SLC24A2: variants seen among roughly 807,000 people sequenced by gnomAD.
SLC24A2 encodes solute carrier family 24 member 2, also known as sodium/potassium/calcium exchanger 2.
In SLC24A2, 36 loss-of-function variants were observed where a neutral mutation model predicts 62.0. The ratio of observed to expected loss-of-function variants is 0.58; its 90% confidence interval spans 0.44 to 0.77. The LOEUF (loss-of-function observed/expected upper bound fraction) is 0.77, where lower values mean the gene tolerates loss of function less well. SLC24A2 is among the 30% of genes least tolerant of loss of function. The pLI, the probability that SLC24A2 is intolerant of heterozygous loss-of-function variation, is 0.00. For synonymous variants in SLC24A2, 358 were observed against 294.0 expected, an observed-to-expected ratio of 1.22 and a Z score of -2.23; for missense variants, 846 against 817.9, an observed-to-expected ratio of 1.03 and a Z score of -0.42.
At chr9:19,611,494 A>G (rs113153644) in intron 4 of SLC24A2, among the ~76,000 whole-genome samples, 2,847 of 151,838 alleles carry the variant, frequency 0.019, 91 homozygotes, top group African/African-American at 0.065. Flanking sequence ...GAAAGGCGGA[A>G]GGAGGTAGAG....
chr9:20,286,859 A>G, the SLC24A2 span, among the ~76,000 whole-genome samples: 12 of 152,214 alleles, frequency 7.9e-5, no homozygotes, highest in South Asian at 6.2e-4. Flanking sequence ...CCAAGGACAC[A>G]TTGAGGATTC....
chr9:20,093,072 C>T, the SLC24A2 span, among the ~76,000 whole-genome samples: 19,141 of 150,724 alleles, frequency 0.13, 1,689 homozygotes, highest in Admixed American at 0.31. Context: ...TTTTTTTGTT[C>T]TGTTTTTTGT....
At chr9:20,306,357 C>A in the SLC24A2 span, among the ~76,000 whole-genome samples, 1 of 152,324 alleles carries the variant, frequency 6.6e-6, no homozygotes, top group South Asian at 2.1e-4. Context: ...CAAGGCAAGG[C>A]CCAAAGCAAA....
chr9:20,231,458 T>C, the SLC24A2 span, among the ~76,000 whole-genome samples: 650 of 152,324 alleles, frequency 4.3e-3, 1 homozygote, highest in African/African-American at 0.014. Context: ...ACATCCCTTT[T>C]AAGTTGGATT....
At chr9:19,586,667 G>GTATCAGAC (rs1836380699) in intron 5 of SLC24A2, among the ~76,000 whole-genome samples, 1 of 152,008 alleles carries the variant, frequency 6.6e-6, no homozygotes, top group Admixed American at 6.6e-5. Flanking sequence ...CTCCCAGCAG[G>GTATCAGAC]TATCAGACTG....
chr9:19,821,879 A>G, the SLC24A2 span, among the ~76,000 whole-genome samples: 2 of 152,134 alleles, frequency 1.3e-5, no homozygotes, highest in African/African-American at 4.8e-5. Flanking sequence ...ATGTATACCT[A>G]CATATTCTTT....
chr9:20,070,097 A>C, the SLC24A2 span, among the ~76,000 whole-genome samples: 1 of 152,216 alleles, frequency 6.6e-6, no homozygotes, highest in African/African-American at 2.4e-5. Context: ...CCTTTAAATG[A>C]ACATTAAATT....
At chr9:20,088,849 G>C in the SLC24A2 span, among the ~76,000 whole-genome samples, 2 of 152,218 alleles carry the variant, frequency 1.3e-5, no homozygotes, top group African/African-American at 4.8e-5. Flanking sequence ...AGCTCCCAGA[G>C]GGAGAGGCAG....
In SLC24A2 at chr9:19,713,762, T is replaced by C. The variant is rs529880841; in HGVS notation, c.930+72175A>G. Reference sequence around the variant, plus strand: ...TTTAATCATGTGCTGAAGTCCTTACTTACTGGTAAGATTGAGATTTTTTTT... The same window carrying C: ...TTTAATCATGTGCTGAAGTCCTTACCTACTGGTAAGATTGAGATTTTTTTT... On this transcript the variant is annotated intron_variant, in intron 2 of 10. Transcript: ENST00000341998. Among the ~76,000 whole-genome samples, 12 of 152,304 alleles carry C rather than the reference T, an allele frequency of 7.9e-5. No individual in the cohort carries two copies. The South Asian group carries it at 2.5e-3, about 32-fold the overall frequency.
chr9:20,223,170 C>A, the SLC24A2 span, among the ~76,000 whole-genome samples: 2 of 151,828 alleles, frequency 1.3e-5, no homozygotes, highest in South Asian at 2.1e-4. Flanking sequence ...GTAAAAGACA[C>A]CTGGGGTAAA....
chr9:19,665,027 A>T (rs1819208592), intron 2 of SLC24A2, among the ~76,000 whole-genome samples: 1 of 152,180 alleles, frequency 6.6e-6, no homozygotes, highest in African/African-American at 2.4e-5. Flanking sequence ...GCTGATTCTA[A>T]GGATACCTCC....
At chr9:20,238,311 A>C in the SLC24A2 span, among the ~76,000 whole-genome samples, 1 of 152,180 alleles carries the variant, frequency 6.6e-6, no homozygotes, top group African/African-American at 2.4e-5. Flanking sequence ...ATGATCAGGC[A>C]CCTTTTGCAC....
At chr9:20,077,086 T>C in the SLC24A2 span, among the ~76,000 whole-genome samples, 3 of 151,810 alleles carry the variant, frequency 2.0e-5, no homozygotes. Flanking sequence ...GTGAAATCTT[T>C]TTAAAAAAAG....
the SLC24A2 span, among the ~76,000 whole-genome samples, chr9:19,994,513 G>A: frequency 3.9e-5 from 6 of 152,182 alleles, no homozygotes; most frequent in East Asian, 3.9e-4. Context: ...TTTCACGTTC[G>A]CTCATTCACA....
At chr9:20,172,119 G>A in the SLC24A2 span, among the ~76,000 whole-genome samples, 3 of 151,950 alleles carry the variant, frequency 2.0e-5, no homozygotes, top group African/African-American at 7.3e-5. Flanking sequence ...ATGATCACTG[G>A]GTCAACAATG....
At chr9:20,071,945 C>G in the SLC24A2 span, among the ~76,000 whole-genome samples, 1 of 151,932 alleles carries the variant, frequency 6.6e-6, no homozygotes, top group African/African-American at 2.4e-5. Context: ...TAAAAGCATA[C>G]AAATAAACAA....
chr9:19,844,376 T>A, the SLC24A2 span, among the ~76,000 whole-genome samples: 1 of 152,206 alleles, frequency 6.6e-6, no homozygotes, highest in South Asian at 2.1e-4. Flanking sequence ...TGTTTTCTGC[T>A]TATTGAATTG....
the SLC24A2 span, among the ~76,000 whole-genome samples, chr9:20,263,970 T>C: frequency 6.6e-6 from 1 of 151,464 alleles, no homozygotes; most frequent in African/African-American, 2.4e-5. Context: ...GATGGTTTCC[T>C]TTCTTGCTCT....
chr9:19,597,164 T>C, intron 5 of SLC24A2, 65 bp downstream of exon 5: 1 of 1,029,908 alleles, frequency 9.7e-7, no homozygotes, highest in South Asian at 1.3e-5. Flanking sequence ...GAATAAAAAA[T>C]GGGCAAGCAA....
Sources: gnomAD v4.1 joint callset for allele counts (sites outside exome capture counted in the v4.1 genomes callset) on GRCh38, gnomAD v4.1.1 for gene constraint, MANE v1.5 for transcripts, NCBI Gene and HGNC (gene_info 2026-07-23, HGNC 2026-07-21) for gene names.